The following PTPRG variants were observed in gnomAD, a reference collection of about 807,000 sequenced individuals.
PTPRG encodes the protein protein tyrosine phosphatase receptor type G, also known as receptor-type tyrosine-protein phosphatase gamma.
Under a neutral mutation model 165.3 loss-of-function variants are expected in PTPRG, and 102 were observed. The ratio of observed to expected loss-of-function variants is 0.62; its 90% CI spans 0.53 to 0.73. PTPRG has a LOEUF of 0.73. Among genes scored for constraint, PTPRG ranks in the 30% least tolerant of loss-of-function variants. The pLI is 0.00. For missense variants in PTPRG, 1,866 were observed against 1,861.4 expected (o/e 1.00, Z -0.05); for synonymous variants, 675 against 669.5 (o/e 1.01, Z -0.13).
chr3:62,064,742 T>C (rs1042962404), intron 4 of PTPRG, among the ~76,000 whole-genome samples: 1 of 143,800 alleles, frequency 7.0e-6, no homozygotes, highest in African/African-American at 2.6e-5. Flanking sequence ...TTTTTTTTTT[T>C]TTTTTTTGAG....
At chr3:61,785,291 G>A (rs1038840451) in intron 2 of PTPRG, among the ~76,000 whole-genome samples, 4 of 152,190 alleles carry the variant, frequency 2.6e-5, no homozygotes, top group Non-Finnish European at 5.9e-5. Flanking sequence ...TTATACAAAT[G>A]TAAAATGAAA....
intron 4 of PTPRG, among the ~76,000 whole-genome samples, chr3:62,030,863 A>G (rs28507372): frequency 0.24 from 36,659 of 152,120 alleles, 4,780 homozygotes; most frequent in Middle Eastern, 0.38. Context: ...GCAGGAACTT[A>G]GACTGACCCC....
At chr3:62,083,693 G>A (rs1701654887) in intron 5 of PTPRG, among the ~76,000 whole-genome samples, 1 of 152,160 alleles carries the variant, frequency 6.6e-6, no homozygotes, top group African/African-American at 2.4e-5. Flanking sequence ...AAGTAGTCCT[G>A]TTCTTTTGAG....
intron 4 of PTPRG, among the ~76,000 whole-genome samples, chr3:62,029,299 GCTTA>G (rs1183553947): frequency 6.6e-6 from 1 of 152,018 alleles, no homozygotes; most frequent in African/African-American, 2.4e-5. Context: ...TGGAGACACT[GCTTA>G]CTTCATTCTC....
At chr3:62,161,680 A>G (rs1229075919) in intron 7 of PTPRG, among the ~76,000 whole-genome samples, 1 of 152,176 alleles carries the variant, frequency 6.6e-6, no homozygotes, top group East Asian at 1.9e-4. Flanking sequence ...CCCTTTCTAT[A>G]ATCACCTTCA....
At chr3:61,687,799 A>G (rs2107140231) in intron 1 of PTPRG, among the ~76,000 whole-genome samples, 1 of 152,244 alleles carries the variant, frequency 6.6e-6, no homozygotes, top group Non-Finnish European at 1.5e-5. Flanking sequence ...CCTTTTTGGG[A>G]AATCCATTTG....
chr3:62,178,413 G>T (rs1486948916), intron 8 of PTPRG, among the ~76,000 whole-genome samples: 2 of 152,218 alleles, frequency 1.3e-5, no homozygotes, highest in African/African-American at 4.8e-5. Context: ...TCCTACTGGG[G>T]AGCATTGCCA....
rs139007624 is a variant in PTPRG, at chr3:62,131,339, G to C, written c.616-1263G>C. The stretch of plus-strand genomic sequence containing the variant: ...ATTTGAGAACCACTGCTCTCTTCTG[G>C]AGATGCTGAGGCTTAGGAGAGATGG... On this transcript the variant is annotated intron_variant, in intron 5 of 29. Coordinates refer to ENST00000474889, the MANE Select transcript of PTPRG (RefSeq NM_002841.4). Among the ~76,000 whole-genome samples, 7 of 152,324 alleles carry C rather than the reference G, an allele frequency of 4.6e-5. No individual in the cohort carries two copies. In the East Asian group the frequency reaches 1.2e-3, roughly 25 times the overall value.
At chr3:61,681,538 A>G (rs1226239200) in intron 1 of PTPRG, among the ~76,000 whole-genome samples, 1 of 152,186 alleles carries the variant, frequency 6.6e-6, no homozygotes, top group African/African-American at 2.4e-5. Context: ...TGTCATACAG[A>G]GAGGACTCGG....
chr3:62,048,432 C>A (rs574616219), intron 4 of PTPRG, among the ~76,000 whole-genome samples: 2 of 152,088 alleles, frequency 1.3e-5, no homozygotes, highest in Admixed American at 6.5e-5. Context: ...ATTTTGTGAC[C>A]TCTAAGTATA....
intron 1 of PTPRG, among the ~76,000 whole-genome samples, chr3:61,712,734 T>C (rs950161226): frequency 1.3e-5 from 2 of 152,198 alleles, no homozygotes; most frequent in African/African-American, 2.4e-5. Flanking sequence ...TCAGGTGATA[T>C]CTTTATAGCA....
intron 12 of PTPRG, among the ~76,000 whole-genome samples, chr3:62,209,192 T>G (rs1181295029): frequency 6.6e-6 from 1 of 152,194 alleles, no homozygotes; most frequent in Non-Finnish European, 1.5e-5. Flanking sequence ...TAGGAACATT[T>G]GGGAGCATCT....
At chr3:61,743,712 T>A (rs2033090990) in intron 1 of PTPRG, among the ~76,000 whole-genome samples, 1 of 152,262 alleles carries the variant, frequency 6.6e-6, no homozygotes, top group Non-Finnish European at 1.5e-5. Flanking sequence ...CATAGTGGGC[T>A]TGGTGCTGTA....
chr3:61,760,743 T>A (rs1484055482), intron 2 of PTPRG, among the ~76,000 whole-genome samples: 2 of 152,226 alleles, frequency 1.3e-5, no homozygotes, highest in East Asian at 3.8e-4. Flanking sequence ...CTATTCTTCC[T>A]GATGCTCTCC....
At chr3:61,890,168 T>C (rs2038168838) in intron 2 of PTPRG, among the ~76,000 whole-genome samples, 1 of 152,206 alleles carries the variant, frequency 6.6e-6, no homozygotes, top group Non-Finnish European at 1.5e-5. Flanking sequence ...GACTTGAAAC[T>C]CAATTATTAT....
At chr3:62,102,957 G>T (rs1264058274) in intron 5 of PTPRG, among the ~76,000 whole-genome samples, 1 of 152,100 alleles carries the variant, frequency 6.6e-6, no homozygotes, top group African/African-American at 2.4e-5. Context: ...ATTATTTAGT[G>T]CATTTTCCCC....
At chr3:62,035,113 A>C (rs1245564654) in intron 4 of PTPRG, among the ~76,000 whole-genome samples, 2 of 152,078 alleles carry the variant, frequency 1.3e-5, no homozygotes. Context: ...AGTAAATTTA[A>C]AGTTAAAATC....
At chr3:61,726,246 C>T (rs551092079) in intron 1 of PTPRG, among the ~76,000 whole-genome samples, 5 of 152,242 alleles carry the variant, frequency 3.3e-5, no homozygotes, top group South Asian at 2.1e-4. Context: ...TTGGGGCTTC[C>T]GCTTATACTG....
chr3:62,270,871 G>GA (rs1410283845), intron 20 of PTPRG, among the ~76,000 whole-genome samples: 1 of 152,150 alleles, frequency 6.6e-6, no homozygotes, highest in East Asian at 1.9e-4. Context: ...ACAGGTAAAT[G>GA]AGACATTGCC....
Sources: gnomAD v4.1 joint callset for allele counts (sites outside exome capture counted in the v4.1 genomes callset) on GRCh38, gnomAD v4.1.1 for gene constraint, MANE v1.5 for transcripts, NCBI Gene and HGNC (gene_info 2026-07-23, HGNC 2026-07-21) for gene names.